NAIP: variants seen among roughly 807,000 people sequenced by gnomAD.
NAIP encodes baculoviral IAP repeat-containing protein 1.
NAIP carries 15 observed loss-of-function variants against 23.0 expected under a neutral mutation model. The observed-to-expected ratio is 0.65, with a 90% CI of 0.44 to 1.00. The LOEUF (loss-of-function observed/expected upper bound fraction) is 1.00. Ranked by LOEUF, NAIP falls within the 50% of genes least tolerant of loss-of-function variation. The pLI is 0.00. For synonymous variants in NAIP, 100 were observed against 100.2 expected, an observed-to-expected ratio of 1.00 and a Z score of 0.01; for missense variants, 265 against 278.8, an observed-to-expected ratio of 0.95 and a Z score of 0.35.
intron 3 of NAIP, among the ~76,000 whole-genome samples, chr5:71,014,319 A>T (rs1427782366): frequency 2.6e-5 from 4 of 151,162 alleles, no homozygotes; most frequent in African/African-American, 9.7e-5. Flanking sequence ...CTTGGTCTCC[A>T]ACTCCTGACC....
Position 71,011,388 on chromosome 5 carries a change from A to C in NAIP, c.569-14T>G. 1 of 1,572,186 alleles carries C rather than the reference A, an allele frequency of 6.4e-7. No homozygotes were observed. On this transcript the variant is annotated splice_polypyrimidine_tract_variant and intron_variant, in intron 4 of 16. Coordinates refer to ENST00000517649, the MANE Select transcript of NAIP (RefSeq NM_004536.3). ...TGTCCTGTTTACCTATATATGAAGG[A>C]AAATATTTAGATTGCCTGGCAGTGG...
At position 71,017,427 on chromosome 5, in the gene NAIP, A is replaced by T. The variant is rs1347614213; in HGVS notation, c.-4+3232T>A. ...TCCTAAAGGTTTATTTGTTTAATTCATCAAGACTAGGATACATTAGAAATC... is the reference window on the plus strand; with the variant it reads ...TCCTAAAGGTTTATTTGTTTAATTCTTCAAGACTAGGATACATTAGAAATC... On this transcript the variant is annotated intron_variant, in intron 3 of 16. Coordinates refer to ENST00000517649, the MANE Select transcript of NAIP (RefSeq NM_004536.3). Among the ~76,000 whole-genome samples, 3 of 119,040 alleles carry T rather than the reference A, an allele frequency of 2.5e-5. 1 individual carries two copies. Among genetic ancestry groups the T allele is most frequent in the Non-Finnish European group, 5.9e-5 (3 of 50,774 alleles). 78.1% of individuals were successfully genotyped at this position (119,040 alleles called of 152,430 possible).
chr5:70,997,117 CTG>C (rs2112900449), intron 9 of NAIP, among the ~76,000 whole-genome samples: 1 of 34,198 alleles, frequency 2.9e-5, no homozygotes, highest in Non-Finnish European at 8.9e-5. Context: ...GGTGCAAGCA[CTG>C]TGGAAAAAAC....
intron 16 of NAIP, among the ~76,000 whole-genome samples, chr5:70,972,824 GT>G (rs557921526): frequency 3.8e-4 from 27 of 70,344 alleles, no homozygotes; most frequent in African/African-American, 9.2e-4. Flanking sequence ...AAAATTTAAT[GT>G]TATTAAATTC....
chr5:71,012,917 T>C lies in NAIP; in HGVS notation c.-2A>G, dbSNP rs1425721638. ...AGAGGCTTTCTGCTGGGTGGCCATT[T>C]TCTGAAAAGGAAAATAAAGCAGGTT... is the stretch of plus-strand genomic sequence containing the variant. On this transcript the variant is annotated splice_region_variant and 5_prime_UTR_variant, in exon 4 of 17. Coordinates refer to ENST00000517649, the MANE Select transcript of NAIP (RefSeq NM_004536.3). 1.9e-6 allele frequency: 3 copies of C among 1,572,858 alleles called. No individual in the cohort carries two copies. In the South Asian group the frequency reaches 3.5e-5, roughly 19 times the overall value.
chr5:71,010,082 C>T (rs1359661475), intron 5 of NAIP, among the ~76,000 whole-genome samples: 1 of 151,538 alleles, frequency 6.6e-6, no homozygotes, highest in Non-Finnish European at 1.5e-5. Flanking sequence ...CACCATTTTA[C>T]ACCACCCCTA....
chr5:71,015,527 G>A (rs1430136616), intron 3 of NAIP, among the ~76,000 whole-genome samples: 2 of 122,534 alleles, frequency 1.6e-5, no homozygotes. Context: ...TTAGGAGGCC[G>A]AGGTGGGTGG....
In NAIP at chr5:71,012,623, A is replaced by C; in HGVS notation, c.293T>G (p.Phe98Cys). ...ACCAAAGAGGATTAGGCTACAGCAG[A>C]AGCACTGAATCCCAGATTTTACCCC... Reference protein sequence around the residue: ...FTGVKSGIQCFCCSLILFGAG... With the variant: ...FTGVKSGIQCCCCSLILFGAG... The change falls in exon 4 of 17, where the codon TTC becomes TGC. Residue 98 changes from phenylalanine (F) to cysteine (C), a missense_variant. Physicochemically the swap from Phe to Cys is radical, Grantham distance 205 (BLOSUM62 -2). Coordinates refer to ENST00000517649, the MANE Select transcript of NAIP (RefSeq NM_004536.3). The C allele has an allele frequency of 6.2e-7, 1 of 1,612,002 alleles. No homozygotes were observed. The highest frequency in any genetic ancestry group is 8.5e-7 in the Non-Finnish European group (1 of 1,178,532).
chr5:71,002,401 C>CT lies in NAIP; in HGVS notation c.751-259dup, dbSNP rs1157939944. On this transcript the variant is annotated intron_variant, in intron 6 of 16. Coordinates refer to ENST00000517649, the MANE Select transcript of NAIP (RefSeq NM_004536.3). ...TAGAGACAGACACGATGTTGGAGGT[C>CT]TTTTTTTTTTTTTTTTTTTTTTTTT... 8.1e-3 allele frequency among the ~76,000 whole-genome samples: 45 copies of CT among 5,590 alleles called. 3 individuals are homozygous for CT. The highest frequency in any genetic ancestry group is 0.013 in the African/African-American group (17 of 1,290). 3.7% of individuals were successfully genotyped at this position (5,590 alleles called of 152,430 possible).
At chr5:70,978,128 CACATATAT>C (rs1462959056) in intron 13 of NAIP, among the ~76,000 whole-genome samples, 58 of 39,518 alleles carry the variant, frequency 1.5e-3, no homozygotes, top group Admixed American at 2.6e-3. Flanking sequence ...CACACACACA[CACATATAT>C]ATATATATAT....
chr5:71,012,229 C>T lies in NAIP; in HGVS notation c.568+119G>A. ...GAATTTTAATAAACTAGACCTTATA[C>T]CTAATATAACACATTTAACCAGTGA... On this transcript the variant is annotated intron_variant, in intron 4 of 16. Transcript: ENST00000517649. 8.2e-6 allele frequency: 7 copies of T among 857,332 alleles called. 1 individual carries two copies. The highest frequency in any genetic ancestry group is 5.7e-5 in the South Asian group (3 of 52,248). 53.1% of individuals were successfully genotyped at this position (857,332 alleles called of 1,614,324 possible). A position where few individuals can be genotyped will look rare whatever the true frequency, so the allele number is the denominator to read the frequency against.
intron 3 of NAIP, among the ~76,000 whole-genome samples, chr5:71,017,516 T>C (rs1751497301): frequency 8.8e-6 from 1 of 113,132 alleles, no homozygotes; most frequent in Non-Finnish European, 2.2e-5. Context: ...GTGGGAGGAT[T>C]GCTTGAGCCC....
At chr5:71,010,974 T>A (rs1259405596) in intron 5 of NAIP, among the ~76,000 whole-genome samples, 1 of 151,278 alleles carries the variant, frequency 6.6e-6, no homozygotes, top group Non-Finnish European at 1.5e-5. Context: ...GGCTCACGCC[T>A]GTAATCCTAG....
chr5:70,982,630 T>C (rs1750588681), intron 12 of NAIP, among the ~76,000 whole-genome samples: 2 of 20,360 alleles, frequency 9.8e-5, no homozygotes, highest in Non-Finnish European at 1.5e-4. Flanking sequence ...AGATTTTTTT[T>C]TTTTTTTTTT....
Position 71,011,301 on chromosome 5 carries a change from C to T in NAIP, c.642G>A (p.Trp214Ter). ...LGNWEEGDDP[W>*]KEHAKWFPKC... ...TGGGGAACCATTTGGCATGTTCCTT[C>T]CAAGGATCATCTCCTTCTTCCCAAT... is the stretch of plus-strand genomic sequence containing the variant. Residue 214 changes from tryptophan to a stop codon, truncating the protein, a stop_gained, in exon 5 of 17, where the codon TGG (tryptophan) becomes TGA (stop). Transcript: ENST00000517649. LOFTEE classifies it high-confidence loss of function. 1 of 1,604,634 alleles carries T rather than the reference C, an allele frequency of 6.2e-7. No homozygotes were observed. The highest frequency in any genetic ancestry group is 1.1e-5 in the South Asian group (1 of 89,666).
intron 5 of NAIP, among the ~76,000 whole-genome samples, chr5:71,010,269 G>A (rs1477857217): frequency 6.7e-6 from 1 of 149,404 alleles, no homozygotes; most frequent in African/African-American, 2.5e-5. Flanking sequence ...CACCATGCCT[G>A]GCTAACTTTT....
intron 5 of NAIP, among the ~76,000 whole-genome samples, chr5:71,009,558 G>A (rs1751048408): frequency 6.6e-6 from 1 of 150,994 alleles, no homozygotes; most frequent in Admixed American, 6.6e-5. Flanking sequence ...AGGTGTGGTG[G>A]TGCATGCCTG....
At chr5:71,008,305 A>G (rs1750971051) in intron 5 of NAIP, among the ~76,000 whole-genome samples, 1 of 124,074 alleles carries the variant, frequency 8.1e-6, no homozygotes, top group African/African-American at 3.0e-5. Flanking sequence ...ACTGACATCA[A>G]ATGATCCGCC....
chr5:71,014,422 C>T (rs1281525857), intron 3 of NAIP, among the ~76,000 whole-genome samples: 1 of 151,502 alleles, frequency 6.6e-6, no homozygotes, highest in Non-Finnish European at 1.5e-5. Context: ...ACCGGGATTA[C>T]AGACGTGAGC....
Sources: gnomAD v4.1 joint callset for allele counts (sites outside exome capture counted in the v4.1 genomes callset) on GRCh38, gnomAD v4.1.1 for gene constraint, MANE v1.5 for transcripts, NCBI Gene and HGNC (gene_info 2026-07-23, HGNC 2026-07-21) for gene names.